Variants in RPGRIP1 observed in about 807,000 individuals in gnomAD.
The protein encoded by RPGRIP1 is RPGR interacting protein 1, also known as X-linked retinitis pigmentosa GTPase regulator-interacting protein 1.
RPGRIP1 carries 128 observed loss-of-function variants against 157.9 expected under a neutral mutation model. The observed-to-expected ratio is 0.81, with a 90% confidence interval of 0.70 to 0.94. The LOEUF (loss-of-function observed/expected upper bound fraction) is 0.94, where lower values mean the gene tolerates loss of function less well. RPGRIP1 is among the 40% of genes least tolerant of loss of function. RPGRIP1 has a pLI of 0.00. For missense variants in RPGRIP1, 1,486 were observed against 1,545.8 expected (o/e 0.96, Z 0.65); for synonymous variants, 554 against 571.6 (o/e 0.97, Z 0.44).
chr14:21,336,922 A>G (rs1884423516), intron 21 of RPGRIP1, among the ~76,000 whole-genome samples: 1 of 152,248 alleles, frequency 6.6e-6, no homozygotes, highest in Non-Finnish European at 1.5e-5. Flanking sequence ...TGTGTGCCCC[A>G]AAGTGTTACT....
intron 19 of RPGRIP1, among the ~76,000 whole-genome samples, chr14:21,329,016 T>C (rs1173506020): frequency 2.0e-5 from 3 of 151,932 alleles, no homozygotes; most frequent in African/African-American, 7.3e-5. Flanking sequence ...TGGTGGTGTG[T>C]GCCTGTAATC....
At position 21,302,568 on chromosome 14, in the gene RPGRIP1, A is replaced by C. The variant is rs758926176; in HGVS notation, c.571A>C (p.Ser191Arg). The C allele has an allele frequency of 6.4e-7, 1 of 1,573,616 alleles. No individual in the cohort carries two copies. The highest frequency in any genetic ancestry group is 1.3e-5 in the African/African-American group (1 of 74,212). Reference protein sequence around the residue: ...ATNENRGEVASKPSELVSGSN... With the variant: ...ATNENRGEVARKPSELVSGSN... ...AAATGAAAACAGAGGTGAAGTAGCC[A>C]GTAAACCCAGTGAACTGTGAGTTCT... Residue 191 changes from serine (S) to arginine (R), a missense_variant, in exon 5 of 25, where the codon AGT (serine) becomes CGT (arginine). Ser to Arg is a moderately radical substitution (Grantham distance 110, BLOSUM62 -1). Transcript: ENST00000400017.
chr14:21,307,525 A>G (rs937956860), intron 6 of RPGRIP1, among the ~76,000 whole-genome samples: 21 of 152,244 alleles, frequency 1.4e-4, no homozygotes, highest in African/African-American at 4.6e-4. Flanking sequence ...AGTGATCTCT[A>G]TCAAATCTTG....
intron 10 of RPGRIP1, 36 bp from the exon 11 acceptor site, chr14:21,317,659 TG>T (rs1420288753): frequency 6.4e-7 from 1 of 1,562,510 alleles, no homozygotes; most frequent in Admixed American, 1.9e-5. Context: ...TCACACCCCT[TG>T]GGGTATCCAT....
intron 10 of RPGRIP1, among the ~76,000 whole-genome samples, chr14:21,314,519 A>G (rs1881681360): frequency 6.6e-6 from 1 of 151,996 alleles, no homozygotes; most frequent in South Asian, 2.1e-4. Context: ...TGGGAGGCTG[A>G]GGCAGGAGGA....
At chr14:21,326,304 T>C in intron 17 of RPGRIP1, 131 bp downstream of exon 17, 1 of 628,246 alleles carries the variant, frequency 1.6e-6, no homozygotes, top group East Asian at 2.8e-5. Flanking sequence ...ATTTAGAATA[T>C]TGTCAAGAGC....
chr14:21,328,312 C>T, intron 18 of RPGRIP1, 112 bp from the exon 19 acceptor site: 2 of 750,984 alleles, frequency 2.7e-6, no homozygotes, highest in Admixed American at 2.8e-5. Context: ...TAGCATTTCT[C>T]AGCTCCATGA....
In RPGRIP1 at chr14:21,343,246, G is replaced by T; in HGVS notation, c.3532+18G>T. On this transcript the variant is annotated intron_variant, in intron 22 of 24. Coordinates refer to ENST00000400017, the MANE Select transcript of RPGRIP1 (RefSeq NM_020366.4). ...TAGCAAGGGTGAGGCATCCTGTGTGGTTACTGGGGTGAGGAAGTCTGATGA... is the reference window on the plus strand; with the variant it reads ...TAGCAAGGGTGAGGCATCCTGTGTGTTTACTGGGGTGAGGAAGTCTGATGA... 6.9e-6 allele frequency: 11 copies of T among 1,595,616 alleles called. No individual in the cohort carries two copies. The highest frequency in any genetic ancestry group is 9.4e-6 in the Non-Finnish European group (11 of 1,169,634).
chr14:21,304,385 GAGAGAGAA>G (rs1479839596), intron 6 of RPGRIP1, among the ~76,000 whole-genome samples: 3 of 79,844 alleles, frequency 3.8e-5, no homozygotes, highest in African/African-American at 9.4e-5. Context: ...GGAGGAAGGA[GAGAGAGAA>G]AGAAAGAAAG....
intron 3 of RPGRIP1, among the ~76,000 whole-genome samples, chr14:21,297,098 T>C (rs946158819): frequency 1.3e-5 from 2 of 152,088 alleles, no homozygotes; most frequent in African/African-American, 4.8e-5. Flanking sequence ...TTTGTTTTGT[T>C]TTGTTTTGTT....
At chr14:21,281,165 G>A (rs559131402) in intron 1 of RPGRIP1, among the ~76,000 whole-genome samples, 6 of 151,728 alleles carry the variant, frequency 4.0e-5, no homozygotes, top group East Asian at 3.9e-4. Flanking sequence ...CTACAGGTGC[G>A]CACCACCATG....
rs566003306 is a variant in RPGRIP1, at chr14:21,301,212, A to G, written c.465A>G (p.Ala155=). The G allele has an allele frequency of 7.5e-6, 12 of 1,591,826 alleles. No individual in the cohort carries two copies. The South Asian group carries it at 8.0e-5, about 11-fold the overall frequency. Residue 155 remains alanine (A), a synonymous_variant, in exon 4 of 25, where the codon GCA becomes GCG. Coordinates refer to ENST00000400017, the MANE Select transcript of RPGRIP1 (RefSeq NM_020366.4). ...VGHRQLHTAG[A]PVPEKPKRGP... is the part of the protein sequence containing the mutation. ...ACAGACAGCTCCACACAGCCGGTGC[A>G]CCGGTGCCGGAGAAACCCAAGAGGG...
intron 21 of RPGRIP1, among the ~76,000 whole-genome samples, chr14:21,338,677 T>C (rs1884660321): frequency 6.6e-6 from 1 of 152,240 alleles, no homozygotes; most frequent in African/African-American, 2.4e-5. Context: ...GGTTGACAAT[T>C]GTCAGTTCTG....
intron 23 of RPGRIP1, among the ~76,000 whole-genome samples, chr14:21,347,074 C>T (rs1328991888): frequency 2.6e-5 from 4 of 152,018 alleles, no homozygotes; most frequent in Non-Finnish European, 5.9e-5. Context: ...CTTTTTTTTC[C>T]CCAGCATTTC....
intron 11 of RPGRIP1, among the ~76,000 whole-genome samples, chr14:21,318,407 C>T (rs543322785): frequency 1.3e-5 from 2 of 149,560 alleles, no homozygotes; most frequent in Admixed American, 1.3e-4. Flanking sequence ...CCACTGTGCC[C>T]GACCTGCCAG....
At chr14:21,324,276 C>G (rs1246311379) in intron 14 of RPGRIP1, 3 of 360,508 alleles carry the variant, frequency 8.3e-6, no homozygotes, top group Non-Finnish European at 1.6e-5. Context: ...TCTAGTACTT[C>G]TCTTATGGAA....
chr14:21,340,421 G>A (rs776395003), intron 21 of RPGRIP1, among the ~76,000 whole-genome samples: 27 of 152,214 alleles, frequency 1.8e-4, no homozygotes, highest in Non-Finnish European at 3.2e-4. Context: ...TTGGGAGGCC[G>A]AGGTGGGTGG....
rs531133129 is a variant in RPGRIP1 at position 21,320,718 on chromosome 14, G to T, written c.1467+541G>T. On this transcript the variant is annotated intron_variant, in intron 12 of 24. Transcript: ENST00000400017. ...AGGTTTAAGCAATTCTCCTTCCTCA[G>T]CCTCCCGAGTAGCTGGGATTACAGG... 1.1e-4 allele frequency among the ~76,000 whole-genome samples: 16 copies of T among 149,326 alleles called. 1 individual carries two copies. In the South Asian group the frequency reaches 3.2e-3, roughly 30 times the overall value.
intron 2 of RPGRIP1, among the ~76,000 whole-genome samples, chr14:21,288,593 C>T (rs534533208): frequency 6.6e-6 from 1 of 151,756 alleles, no homozygotes; most frequent in East Asian, 2.0e-4. Context: ...TGGCTCACTG[C>T]AACCTATGCC....
Sources: gnomAD v4.1 joint callset for allele counts (sites outside exome capture counted in the v4.1 genomes callset) on GRCh38, gnomAD v4.1.1 for gene constraint, MANE v1.5 for transcripts, NCBI Gene and HGNC (gene_info 2026-07-23, HGNC 2026-07-21) for gene names.